The following PTPRD variants were observed in gnomAD, a reference collection of about 807,000 sequenced individuals.
The protein encoded by PTPRD is receptor-type tyrosine-protein phosphatase delta.
Under a neutral mutation model 214.5 loss-of-function variants are expected in PTPRD, and 34 were observed. The observed-to-expected ratio is 0.16, with a 90% CI of 0.12 to 0.21. The LOEUF (loss-of-function observed/expected upper bound fraction) is 0.21. PTPRD is among the 10% of genes least tolerant of loss of function. The pLI is 1.00. For missense variants in PTPRD, 2,545 were observed against 2,398.7 expected, an observed-to-expected ratio of 1.06 and a Z score of -1.27; for synonymous variants, 1,128 against 845.7, an observed-to-expected ratio of 1.33 and a Z score of -5.79.
chr9:9,223,823 T>C (rs2099957706), intron 9 of PTPRD, among the ~76,000 whole-genome samples: 1 of 151,926 alleles, frequency 6.6e-6, no homozygotes, highest in Non-Finnish European at 1.5e-5. Flanking sequence ...TGGTGAAGAG[T>C]TCGGCTGAGT....
chr9:8,331,283 G>C (rs186832701), intron 44 of PTPRD, among the ~76,000 whole-genome samples: 1 of 152,032 alleles, frequency 6.6e-6, no homozygotes, highest in African/African-American at 2.4e-5. Context: ...GATTAACAAC[G>C]AATTATTACT....
At chr9:9,204,504 G>A (rs986989716) in intron 9 of PTPRD, among the ~76,000 whole-genome samples, 1 of 151,990 alleles carries the variant, frequency 6.6e-6, no homozygotes, top group African/African-American at 2.4e-5. Flanking sequence ...AGCATTACCG[G>A]GTTCTCAACT....
At chr9:9,475,902 T>A (rs1306082927) in intron 8 of PTPRD, among the ~76,000 whole-genome samples, 1 of 152,194 alleles carries the variant, frequency 6.6e-6, no homozygotes, top group Non-Finnish European at 1.5e-5. Flanking sequence ...ATATATAAAC[T>A]GCTACCTCCG....
chr9:9,434,354 G>A (rs560429666), intron 8 of PTPRD, among the ~76,000 whole-genome samples: 8 of 152,106 alleles, frequency 5.3e-5, no homozygotes, highest in South Asian at 2.1e-4. Context: ...ACTGATAAAC[G>A]AAATAGAAGG....
intron 11 of PTPRD, among the ~76,000 whole-genome samples, chr9:8,875,771 C>T (rs902853185): frequency 3.3e-5 from 5 of 152,116 alleles, no homozygotes; most frequent in Non-Finnish European, 7.3e-5. Flanking sequence ...AAGCTTTAGA[C>T]TTAGTAAGAG....
At chr9:10,415,879 T>C (rs894846621) in intron 2 of PTPRD, among the ~76,000 whole-genome samples, 1 of 151,662 alleles carries the variant, frequency 6.6e-6, no homozygotes, top group East Asian at 2.0e-4. Context: ...ATGCATGAAG[T>C]GAGAAGAAAC....
chr9:8,470,277 G>C (rs2096626522), intron 31 of PTPRD, among the ~76,000 whole-genome samples: 1 of 152,076 alleles, frequency 6.6e-6, no homozygotes, highest in Non-Finnish European at 1.5e-5. Context: ...TGCCTAAATA[G>C]AAGTATGTAG....
At chr9:8,337,916 C>G (rs999421274) in intron 43 of PTPRD, among the ~76,000 whole-genome samples, 1 of 151,506 alleles carries the variant, frequency 6.6e-6, no homozygotes, top group Non-Finnish European at 1.5e-5. Context: ...CACTCAAGAC[C>G]TAGAGATTTA....
chr9:9,023,589 A>G (rs1363630146), intron 10 of PTPRD, among the ~76,000 whole-genome samples: 3 of 152,024 alleles, frequency 2.0e-5, no homozygotes, highest in Non-Finnish European at 4.4e-5. Context: ...CAGGTTTGTT[A>G]CAGGGGTATA....
chr9:8,609,539 G>A (rs2095364817), intron 14 of PTPRD, among the ~76,000 whole-genome samples: 1 of 152,220 alleles, frequency 6.6e-6, no homozygotes, highest in South Asian at 2.1e-4. Flanking sequence ...TTCCACGGAA[G>A]CTTGTGTTAC....
chr9:9,926,848 T>G (rs1473810667), intron 5 of PTPRD, among the ~76,000 whole-genome samples: 2 of 152,178 alleles, frequency 1.3e-5, no homozygotes, highest in Non-Finnish European at 2.9e-5. Context: ...AAGCTGTACA[T>G]TTTCAGTGTT....
intron 11 of PTPRD, among the ~76,000 whole-genome samples, chr9:8,840,668 C>T (rs1235550884): frequency 6.6e-6 from 1 of 152,216 alleles, no homozygotes; most frequent in African/African-American, 2.4e-5. Flanking sequence ...TGAACTACCA[C>T]TGGGGCTTAG....
At chr9:9,643,139 T>C (rs1456076041) in intron 7 of PTPRD, among the ~76,000 whole-genome samples, 2 of 152,182 alleles carry the variant, frequency 1.3e-5, no homozygotes, top group East Asian at 3.8e-4. Context: ...ATTTAACTAC[T>C]TCCTCAGGGA....
intron 14 of PTPRD, among the ~76,000 whole-genome samples, chr9:8,590,837 C>G (rs893761076): frequency 1.3e-5 from 2 of 152,144 alleles, no homozygotes; most frequent in African/African-American, 4.8e-5. Context: ...TTAGCTGTCA[C>G]AAACTCGATG....
chr9:10,276,552 T>C (rs1005309221), intron 3 of PTPRD, among the ~76,000 whole-genome samples: 2 of 152,232 alleles, frequency 1.3e-5, no homozygotes, highest in African/African-American at 4.8e-5. Context: ...CATTAGCCTC[T>C]AGGTACTTCT....
In PTPRD at chr9:10,139,253, CAAATT is replaced by C. The variant is rs1276174982; in HGVS notation, c.-544-105468_-544-105464del. Among the ~76,000 whole-genome samples, 3 of 150,304 alleles carry C rather than the reference CAAATT, an allele frequency of 2.0e-5. No homozygotes were observed. The East Asian group carries it at 5.9e-4, about 30-fold the overall frequency. Reference sequence around the variant, plus strand: ...GGAACATAACAGTCAAGCCGAGAGACAAATTAAGAATGCAAACCAATTTATAATAG... The same window carrying C: ...GGAACATAACAGTCAAGCCGAGAGACAAGAATGCAAACCAATTTATAATAG... On this transcript the variant is annotated intron_variant, in intron 3 of 45. Coordinates refer to ENST00000381196, the MANE Select transcript of PTPRD (RefSeq NM_002839.4).
In PTPRD at chr9:9,018,727, GACGTCTCCC is replaced by G. The variant is rs1301873188; in HGVS notation, c.-142-1_-135del. On this transcript the variant is annotated splice_acceptor_variant and 5_prime_UTR_variant, in exon 11 of 46. Coordinates refer to ENST00000381196, the MANE Select transcript of PTPRD (RefSeq NM_002839.4). LOFTEE classifies it low-confidence loss of function (5UTR_SPLICE). Reference sequence around the variant, plus strand: ...CTTTAGATCCCACGGGTGTTCACCAGACGTCTCCCTAAACAAAGAAGAAATGTGACAACA... The same window carrying G: ...CTTTAGATCCCACGGGTGTTCACCAGTAAACAAAGAAGAAATGTGACAACA... 2 of 152,158 alleles carry G rather than the reference GACGTCTCCC, an allele frequency of 1.3e-5. No individual in the cohort carries two copies. Among genetic ancestry groups the G allele is most frequent in the African/African-American group, 4.8e-5 (2 of 41,450 alleles). The allele number at this position is 152,158 out of a possible 1,614,324, so 9.4% of individuals were successfully genotyped here.
intron 12 of PTPRD, among the ~76,000 whole-genome samples, chr9:8,719,678 T>G (rs776647592): frequency 6.6e-6 from 1 of 151,148 alleles, no homozygotes; most frequent in South Asian, 2.1e-4. Context: ...AGTGGCAGAG[T>G]TGAATAGCTG....
At chr9:9,023,816 A>G (rs2099577673) in intron 10 of PTPRD, among the ~76,000 whole-genome samples, 1 of 151,954 alleles carries the variant, frequency 6.6e-6, no homozygotes, top group Admixed American at 6.6e-5. Context: ...ATCTCCATCC[A>G]TGTTGCTGCA....
Sources: gnomAD v4.1 joint callset for allele counts (sites outside exome capture counted in the v4.1 genomes callset) on GRCh38, gnomAD v4.1.1 for gene constraint, MANE v1.5 for transcripts, NCBI Gene and HGNC (gene_info 2026-07-23, HGNC 2026-07-21) for gene names.